SORCS3: variants seen among roughly 807,000 people sequenced by gnomAD.
SORCS3 encodes the protein sortilin related VPS10 domain containing receptor 3.
SORCS3 carries 57 observed loss-of-function variants against 146.3 expected under a neutral mutation model. The ratio of observed to expected loss-of-function variants is 0.39; its 90% CI spans 0.31 to 0.49. The LOEUF (loss-of-function observed/expected upper bound fraction) is 0.49. Ranked by LOEUF, SORCS3 falls within the 20% of genes least tolerant of loss-of-function variation. The pLI is 0.92. For synonymous variants in SORCS3, 653 were observed against 618.5 expected, an observed-to-expected ratio of 1.06 and a Z score of -0.83; for missense variants, 1,341 against 1,575.5, an observed-to-expected ratio of 0.85 and a Z score of 2.52.
rs151176398 is a variant in SORCS3 at position 105,170,233 on chromosome 10, C to T, written c.1901+2884C>T. Among the ~76,000 whole-genome samples the T allele has an allele frequency of 4.3e-3, 660 of 152,178 alleles. 4 individuals carry two copies. Among genetic ancestry groups the T allele is most frequent in the Non-Finnish European group, 6.3e-3 (428 of 68,000 alleles). On this transcript the variant is annotated intron_variant, in intron 13 of 26. Coordinates refer to ENST00000369701, the MANE Select transcript of SORCS3 (RefSeq NM_014978.3). ...CTCCAAAGACTGCCTCACTTCCAAACGGAGTACTTGTCTGATTATGCCTGG... is the reference window on the plus strand; with the variant it reads ...CTCCAAAGACTGCCTCACTTCCAAATGGAGTACTTGTCTGATTATGCCTGG...
intron 4 of SORCS3, among the ~76,000 whole-genome samples, chr10:105,005,784 G>T (rs1050859652): frequency 3.3e-5 from 5 of 152,154 alleles, no homozygotes; most frequent in African/African-American, 1.2e-4. Context: ...CTAATTATCA[G>T]CCCGGATCTC....
In SORCS3 at chr10:104,796,640, A is replaced by G. The variant is rs138386492; in HGVS notation, c.628-46152A>G. Among the ~76,000 whole-genome samples, 11 of 152,352 alleles carry G rather than the reference A, an allele frequency of 7.2e-5. 1 individual carries two copies. Among genetic ancestry groups the G allele is most frequent in the African/African-American group, 2.6e-4 (11 of 41,580 alleles). On this transcript the variant is annotated intron_variant, in intron 1 of 26. Coordinates refer to ENST00000369701, the MANE Select transcript of SORCS3 (RefSeq NM_014978.3). ...CTTTTAAAGTCAATTAATTATAGTT[A>G]AAAAAGAATAGCCAATTTAAATAAG...
chr10:105,182,864 G>A lies in SORCS3; in HGVS notation c.2009+4691G>A, dbSNP rs139918569. Among the ~76,000 whole-genome samples, 7 of 151,836 alleles carry A rather than the reference G, an allele frequency of 4.6e-5. No homozygotes were observed. The East Asian group carries it at 1.2e-3, about 25-fold the overall frequency. On this transcript the variant is annotated intron_variant, in intron 14 of 26. Transcript: ENST00000369701. ...ACTACAGGTGCTTGCTACCATTCCC[G>A]GCTAATTTTTGTATTTTTTATAGAG...
At position 104,817,331 on chromosome 10, in the gene SORCS3, C is replaced by T. The variant is rs2017808755; in HGVS notation, c.628-25461C>T. ...TCACTGTTTTTTTCCTTTTCTCCTC[C>T]CTTCCCTGCCTCCCTCCTCCCCCCT... On this transcript the variant is annotated intron_variant, in intron 1 of 26. Transcript: ENST00000369701. Among the ~76,000 whole-genome samples the T allele has an allele frequency of 2.0e-5, 3 of 150,596 alleles. No homozygotes were observed. In the South Asian group the frequency reaches 6.4e-4, roughly 32 times the overall value.
intron 2 of SORCS3, among the ~76,000 whole-genome samples, chr10:104,859,810 A>T (rs958376257): frequency 9.9e-5 from 15 of 151,792 alleles, no homozygotes; most frequent in Non-Finnish European, 2.1e-4. Context: ...CAAAAGACAC[A>T]TGAAAAAATG....
chr10:105,262,372 A>T lies in SORCS3; in HGVS notation c.3485A>T (p.Asp1162Val). The change falls in exon 26 of 27, where the codon GAC (aspartate) becomes GTC (valine). Residue 1162 changes from aspartate (D) to valine (V), a missense_variant. By Grantham distance (152) the Asp-to-Val change is radical. Transcript: ENST00000369701. ...AACATCTATGCTCAAGTCCAACACG[A>T]CAAGGAGCAGGAGATGATTGGGTCA... is the stretch of plus-strand genomic sequence containing the variant. ...WINIYAQVQH[D>V]KEQEMIGSVS... 1 of 1,614,002 alleles carries T rather than the reference A, an allele frequency of 6.2e-7. No individual in the cohort carries two copies. Among genetic ancestry groups the T allele is most frequent in the Non-Finnish European group, 8.5e-7 (1 of 1,179,910 alleles).
chr10:105,040,652 G>A (rs2055332645), intron 4 of SORCS3, among the ~76,000 whole-genome samples: 1 of 152,082 alleles, frequency 6.6e-6, no homozygotes, highest in African/African-American at 2.4e-5. Context: ...ACAATTGAAT[G>A]GGTTTTGTGT....
chr10:105,122,687 T>C (rs1423091384), intron 7 of SORCS3, among the ~76,000 whole-genome samples: 1 of 152,232 alleles, frequency 6.6e-6, no homozygotes, highest in Non-Finnish European at 1.5e-5. Flanking sequence ...ACACTGTTCA[T>C]AAACAATGCT....
At chr10:104,888,732 A>C (rs1427333490) in intron 2 of SORCS3, among the ~76,000 whole-genome samples, 1 of 152,188 alleles carries the variant, frequency 6.6e-6, no homozygotes, top group Non-Finnish European at 1.5e-5. Context: ...AGAAAGACAA[A>C]TAGGGTCAGG....
At chr10:104,998,158 C>A (rs2055038526) in intron 4 of SORCS3, among the ~76,000 whole-genome samples, 1 of 152,096 alleles carries the variant, frequency 6.6e-6, no homozygotes, top group South Asian at 2.1e-4. Context: ...AGTTTATTCC[C>A]AGTTGAAAGT....
intron 5 of SORCS3, among the ~76,000 whole-genome samples, chr10:105,058,313 T>C (rs1207857547): frequency 6.6e-6 from 1 of 152,216 alleles, no homozygotes; most frequent in Non-Finnish European, 1.5e-5. Context: ...GGCCTTGCGC[T>C]TCTCCAAGTG....
intron 1 of SORCS3, among the ~76,000 whole-genome samples, chr10:104,785,978 C>A (rs2017430545): frequency 6.6e-6 from 1 of 152,114 alleles, no homozygotes; most frequent in Non-Finnish European, 1.5e-5. Flanking sequence ...GTTTACAGGA[C>A]ACTTCTTGGA....
intron 20 of SORCS3, among the ~76,000 whole-genome samples, chr10:105,242,570 TTATATATTTA>T (rs1304530123): frequency 7.1e-4 from 32 of 45,130 alleles, no homozygotes; most frequent in South Asian, 1.8e-3. Flanking sequence ...TTATATATAT[TTATATATTTA>T]TATATATTTA....
At chr10:104,786,648 G>A (rs995649863) in intron 1 of SORCS3, among the ~76,000 whole-genome samples, 2 of 151,990 alleles carry the variant, frequency 1.3e-5, no homozygotes, top group African/African-American at 4.8e-5. Context: ...GAAGGCAGAA[G>A]CTGAGAGGAA....
chr10:104,815,593 A>G (rs2017788625), intron 1 of SORCS3, among the ~76,000 whole-genome samples: 1 of 152,020 alleles, frequency 6.6e-6, no homozygotes, highest in Admixed American at 6.6e-5. Context: ...TTCTATCTTG[A>G]TTGTCACCCA....
At chr10:104,780,116 G>A (rs1004311090) in intron 1 of SORCS3, among the ~76,000 whole-genome samples, 6 of 142,242 alleles carry the variant, frequency 4.2e-5, no homozygotes, top group African/African-American at 1.6e-4. Flanking sequence ...GGATTGGGAA[G>A]AATTGCCCTG....
chr10:105,077,835 A>G (rs2055598664), intron 5 of SORCS3, among the ~76,000 whole-genome samples: 1 of 152,226 alleles, frequency 6.6e-6, no homozygotes, highest in Non-Finnish European at 1.5e-5. Context: ...GACAAGAGGC[A>G]GGACCTCATG....
At chr10:105,106,654 A>G (rs1254302559) in intron 7 of SORCS3, among the ~76,000 whole-genome samples, 2 of 152,150 alleles carry the variant, frequency 1.3e-5, no homozygotes, top group East Asian at 3.9e-4. Flanking sequence ...TTCTATCTAT[A>G]ACTTAGTTAC....
chr10:104,833,307 C>G (rs11818414), intron 1 of SORCS3, among the ~76,000 whole-genome samples: 120 of 152,270 alleles, frequency 7.9e-4, no homozygotes, highest in African/African-American at 2.7e-3. Context: ...AACCTGCCAC[C>G]ATGCACGATG....
Sources: gnomAD v4.1 joint callset for allele counts (sites outside exome capture counted in the v4.1 genomes callset) on GRCh38, gnomAD v4.1.1 for gene constraint, MANE v1.5 for transcripts, NCBI Gene and HGNC (gene_info 2026-07-23, HGNC 2026-07-21) for gene names.